RPS17: variants seen among roughly 807,000 people sequenced by gnomAD.
RPS17 encodes small ribosomal subunit protein eS17.
For missense variants in RPS17, 68 were observed against 182.3 expected (o/e 0.37, Z 3.61); for synonymous variants, 75 against 65.6 (o/e 1.14, Z -0.70).
rs2034248829 is a variant in RPS17, at chr15:82,536,908, G to A, written c.328-27C>T. On this transcript the variant is annotated intron_variant, in intron 4 of 4. Coordinates refer to ENST00000647841, the MANE Select transcript of RPS17 (RefSeq NM_001021.6). ...TGGAACGAGAAAATGGATTCAGTGA[G>A]CAGTTACTGGTGAGATCTGTGAGTG... 6 of 1,613,504 alleles carry A rather than the reference G, an allele frequency of 3.7e-6. No homozygotes were observed. In the South Asian group the frequency reaches 5.5e-5, roughly 15 times the overall value.
chr15:82,537,781 T>C, intron 4 of RPS17: 1 of 439,518 alleles, frequency 2.3e-6, no homozygotes, highest in South Asian at 1.6e-5. Flanking sequence ...ATAGGAAAAA[T>C]GAAGTTGTTC....
intron 2 of RPS17, 56 bp downstream of exon 2, chr15:82,539,925 G>A: frequency 6.2e-7 from 1 of 1,611,814 alleles, no homozygotes; most frequent in Non-Finnish European, 8.5e-7. Context: ...GTCGGAGGGC[G>A]GCAGAGCACA....
intron 2 of RPS17, 29 bp from the exon 3 acceptor site, chr15:82,539,014 A>G: frequency 6.2e-7 from 1 of 1,610,212 alleles, no homozygotes; most frequent in Non-Finnish European, 8.5e-7. Context: ...CAAAGAGAAC[A>G]GTGAGAAGAC....
intron 4 of RPS17, chr15:82,537,146 C>T: frequency 1.8e-6 from 1 of 565,946 alleles, no homozygotes; most frequent in Non-Finnish European, 3.2e-6. Context: ...TCTGTTTTCA[C>T]AACCCCTTCC....
chr15:82,538,746 A>G, intron 3 of RPS17, 134 bp downstream of exon 3: 2 of 942,384 alleles, frequency 2.1e-6, no homozygotes, highest in Admixed American at 3.6e-5. Flanking sequence ...TAGGGGGCCT[A>G]TGGGCACCCA....
At position 82,540,450 on chromosome 15, in the gene RPS17, G is replaced by A. The variant is rs1017160317; in HGVS notation, c.-22C>T. 79 of 1,590,074 alleles carry A rather than the reference G, an allele frequency of 5.0e-5. No individual in the cohort carries two copies. Among genetic ancestry groups the A allele is most frequent in the African/African-American group, 6.7e-5 (5 of 74,780 alleles). On this transcript the variant is annotated 5_prime_UTR_variant, in exon 1 of 5. Coordinates refer to ENST00000647841, the MANE Select transcript of RPS17 (RefSeq NM_001021.6). ...CCATGTTGGCGGGTCCTTGGTAAAA[G>A]AGGAAACAGGAAGCACAGGCGAAGC...
At chr15:82,539,194 T>A (rs1013581319) in intron 2 of RPS17, 2 of 684,792 alleles carry the variant, frequency 2.9e-6, no homozygotes, top group Non-Finnish European at 5.3e-6. Flanking sequence ...ATTCAAACTC[T>A]CCTTCATGAT....
In RPS17 at chr15:82,538,253, C is replaced by A. The variant is rs981718283; in HGVS notation, c.327+53G>T. ...GGGTGACCTTGGATAATAAGACCTA[C>A]TGATGGTTTTTGACCAGGAAAATAC... On this transcript the variant is annotated intron_variant, in intron 4 of 4. Transcript: ENST00000647841. 3,487 of 1,596,944 alleles carry A rather than the reference C, an allele frequency of 2.2e-3. 22 individuals carry two copies. Among genetic ancestry groups the A allele is most frequent in the Non-Finnish European group, 1.9e-3 (2,185 of 1,165,278 alleles).
rs1022843158 is a variant in RPS17, at chr15:82,540,438, T to G, written c.-10A>C. On this transcript the variant is annotated 5_prime_UTR_variant, in exon 1 of 5. Transcript: ENST00000647841. ...CCAAAACACCTACCATGTTGGCGGG[T>G]CCTTGGTAAAAGAGGAAACAGGAAG... The G allele has an allele frequency of 1.9e-6, 3 of 1,593,006 alleles. No individual in the cohort carries two copies. Among genetic ancestry groups the G allele is most frequent in the Non-Finnish European group, 2.6e-6 (3 of 1,171,218 alleles).
chr15:82,539,650 C>T, intron 2 of RPS17: 1 of 433,810 alleles, frequency 2.3e-6, no homozygotes, highest in Admixed American at 3.4e-5. Flanking sequence ...GATGGCGCCA[C>T]TGCACTCTAG....
chr15:82,537,289 A>T, intron 4 of RPS17: 1 of 309,876 alleles, frequency 3.2e-6, no homozygotes, highest in Non-Finnish European at 6.2e-6. Flanking sequence ...ACCCCTTAGA[A>T]GTTAGCAGGT....
Position 82,540,442 on chromosome 15 carries a change from T to A in RPS17, c.-14A>T, listed in dbSNP as rs763087945. 778 of 1,592,664 alleles carry A rather than the reference T, an allele frequency of 4.9e-4. 1 individual carries two copies. The highest frequency in any genetic ancestry group is 6.2e-4 in the Non-Finnish European group (722 of 1,170,938). On this transcript the variant is annotated 5_prime_UTR_variant, in exon 1 of 5. Transcript: ENST00000647841. ...AACACCTACCATGTTGGCGGGTCCT[T>A]GGTAAAAGAGGAAACAGGAAGCACA...
chr15:82,540,220 G>A (rs1042772782), intron 1 of RPS17, 88 bp from the exon 2 acceptor site: 29 of 1,610,842 alleles, frequency 1.8e-5, no homozygotes, highest in African/African-American at 2.7e-5. Context: ...TGTGGTTGGG[G>A]ACCGCCGGCT....
At chr15:82,539,315 T>A in intron 2 of RPS17, 2 of 509,762 alleles carry the variant, frequency 3.9e-6, no homozygotes, top group South Asian at 3.1e-5. Flanking sequence ...AATTAATACG[T>A]TGACTTTGGC....
At chr15:82,539,684 G>A (rs1206038815) in intron 2 of RPS17, 18 of 488,106 alleles carry the variant, frequency 3.7e-5, no homozygotes, top group Non-Finnish European at 6.3e-5. Context: ...GCAAGATTCC[G>A]TCTCAAAAAA....
At chr15:82,539,184 A>T in intron 2 of RPS17, 199 bp from the exon 3 acceptor site, 2 of 695,238 alleles carry the variant, frequency 2.9e-6, no homozygotes, top group Non-Finnish European at 5.3e-6. Flanking sequence ...CTCACTCTCT[A>T]TTCAAACTCT....
At position 82,539,027 on chromosome 15, in the gene RPS17, A is replaced by C; in HGVS notation, c.156-42T>G. ...GCCAAAGAGAACAGTGAGAAGACAA[A>C]TCAACTCCCACCTGGTACTGAGCAC... On this transcript the variant is annotated intron_variant, in intron 2 of 4. Coordinates refer to ENST00000647841, the MANE Select transcript of RPS17 (RefSeq NM_001021.6). 3 of 1,582,580 alleles carry C rather than the reference A, an allele frequency of 1.9e-6. No homozygotes were observed. The South Asian group carries it at 3.3e-5, about 18-fold the overall frequency.
intron 2 of RPS17, chr15:82,539,303 G>C (rs931689333): frequency 3.8e-6 from 2 of 529,438 alleles, no homozygotes; most frequent in African/African-American, 3.8e-5. Context: ...ACATAACTTG[G>C]CAATTAATAC....
At position 82,539,966 on chromosome 15, in the gene RPS17, G is replaced by T; in HGVS notation, c.155+15C>A. On this transcript the variant is annotated intron_variant, in intron 2 of 4. Transcript: ENST00000647841. ...AGATCGCGGAGCCCCGGAGGCCGAG[G>T]AAGGCCCGACTCACCCTGCTATCTT... 2 of 1,612,072 alleles carry T rather than the reference G, an allele frequency of 1.2e-6. No homozygotes were observed. Among genetic ancestry groups the T allele is most frequent in the Non-Finnish European group, 1.7e-6 (2 of 1,179,872 alleles).
Sources: allele counts gnomAD v4.1 joint callset, GRCh38; gene constraint gnomAD v4.1.1; transcripts MANE v1.5; gene names NCBI Gene and HGNC (gene_info 2026-07-23, HGNC 2026-07-21).